Variants in BOP1 observed in about 807,000 individuals in gnomAD.
BOP1 encodes the protein BOP1 ribosomal biogenesis factor.
In BOP1, 54 loss-of-function variants were observed where a neutral mutation model predicts 82.9. The observed-to-expected ratio is 0.65, with a 90% CI of 0.52 to 0.82. The LOEUF is 0.82. Among genes scored for constraint, BOP1 ranks in the 40% least tolerant of loss-of-function variants. BOP1 has a pLI of 0.00. For synonymous variants in BOP1, 566 were observed against 451.1 expected, an observed-to-expected ratio of 1.25 and a Z score of -3.23; for missense variants, 1,170 against 1,072.0, an observed-to-expected ratio of 1.09 and a Z score of -1.28.
At chr8:144,281,849 G>A (rs941462374) in intron 2 of BOP1, 1 of 152,154 alleles carries the variant, frequency 6.6e-6, no homozygotes, top group Non-Finnish European at 1.5e-5. Context: ...CAAAGTGCTG[G>A]GATTACAGGT....
At chr8:144,288,417 AC>A (rs1814942158) in intron 2 of BOP1, among the ~76,000 whole-genome samples, 1 of 151,970 alleles carries the variant, frequency 6.6e-6, no homozygotes, top group South Asian at 2.1e-4. Context: ...AATCCCAGCT[AC>A]TAGAGAGGCT....
chr8:144,264,990 G>T lies in BOP1; in HGVS notation c.472C>A (p.Arg158Ser). The change falls in exon 4 of 16, where the codon CGC becomes AGC. Residue 158 changes from arginine (R) to serine (S), a missense_variant. Transcript: ENST00000569669. Reference protein sequence around the residue: ...PHVGYDLDGRRIYKPLRTRDE... With the variant: ...PHVGYDLDGRSIYKPLRTRDE... ...CGGGTCCGCAGGGGCTTGTAGATGC[G>T]CCTGCCATCCAGGTCGTAGCCCACG... 1 of 1,612,370 alleles carries T rather than the reference G, an allele frequency of 6.2e-7. No homozygotes were observed. Among genetic ancestry groups the T allele is most frequent in the Non-Finnish European group, 8.5e-7 (1 of 1,179,746 alleles).
chr8:144,265,847 C>G (rs2130204171), intron 3 of BOP1: 1 of 152,996 alleles, frequency 6.5e-6, no homozygotes, highest in South Asian at 2.1e-4. Flanking sequence ...TCCTGAGGGG[C>G]CTGGTGGCCC....
chr8:144,269,001 A>C lies in BOP1; in HGVS notation c.391-3930T>G, dbSNP rs1325336675. 3.0e-4 allele frequency among the ~76,000 whole-genome samples: 46 copies of C among 152,242 alleles called. 1 individual carries two copies. The highest frequency in any genetic ancestry group is 3.0e-3 in the Admixed American group (46 of 15,310). On this transcript the variant is annotated intron_variant, in intron 3 of 15. Coordinates refer to ENST00000569669, the MANE Select transcript of BOP1 (RefSeq NM_015201.5). ...GGGTGTCCTGCCTCCACGAGCCTTG[A>C]CTGGAGAGAGGGGCATCTCCTCATG...
chr8:144,266,623 G>T, intron 3 of BOP1: 1 of 1,216,956 alleles, frequency 8.2e-7, no homozygotes. Flanking sequence ...CATGTCCTTC[G>T]CCACGCTGCG....
intron 3 of BOP1, among the ~76,000 whole-genome samples, chr8:144,267,875 C>A (rs2130214407): frequency 6.6e-6 from 1 of 152,312 alleles, no homozygotes. Flanking sequence ...CCTCTCCAGA[C>A]AGCACGCGCG....
chr8:144,276,561 C>T (rs952573101), intron 2 of BOP1, among the ~76,000 whole-genome samples: 4 of 152,202 alleles, frequency 2.6e-5, no homozygotes, highest in Admixed American at 2.6e-4. Flanking sequence ...TGTCCCTGGG[C>T]TGACACGGGT....
chr8:144,276,700 A>T (rs1478790060), intron 2 of BOP1, among the ~76,000 whole-genome samples: 1 of 152,188 alleles, frequency 6.6e-6, no homozygotes, highest in African/African-American at 2.4e-5. Flanking sequence ...GGGGCCCCAC[A>T]TGGCGCTCCT....
At chr8:144,266,682 G>T (rs1337161106) in intron 3 of BOP1, 40 of 1,253,510 alleles carry the variant, frequency 3.2e-5, no homozygotes, top group Non-Finnish European at 3.9e-5. Flanking sequence ...GCCCGCTGTC[G>T]GAGGACGAGG....
intron 3 of BOP1, among the ~76,000 whole-genome samples, chr8:144,275,289 G>C (rs1845551479): frequency 1.3e-5 from 2 of 152,260 alleles, no homozygotes; most frequent in East Asian, 3.9e-4. Context: ...TCCTACCCTG[G>C]GGCCAGGCCA....
intron 10 of BOP1, 22 bp from the exon 11 acceptor site, chr8:144,263,632 C>T (rs1845288019): frequency 1.9e-6 from 3 of 1,608,208 alleles, no homozygotes; most frequent in Admixed American, 3.3e-5. Flanking sequence ...AGAGACAGCT[C>T]TCAACACCTG....
Position 144,264,088 on chromosome 8 carries a change from G to A in BOP1, c.1033C>T (p.Arg345Cys), listed in dbSNP as rs964522702. 191 of 1,610,298 alleles carry A rather than the reference G, an allele frequency of 1.2e-4. No homozygotes were observed. Among genetic ancestry groups the A allele is most frequent in the South Asian group, 1.0e-3 (93 of 90,930 alleles). The change falls in exon 8 of 16, where the codon CGC becomes TGC. Residue 345 changes from arginine to cysteine, a missense_variant. Arg to Cys is a radical substitution (Grantham distance 180). Transcript: ENST00000569669. ...PGERKLSFLP[R>C]KFPSLRAVPA... Reference sequence around the variant, plus strand: ...ACGGCCCGCAGGCTCGGGAACTTGCGTGGCAAAAAGCTCAGCTTCCTCTCG... The same window carrying A: ...ACGGCCCGCAGGCTCGGGAACTTGCATGGCAAAAAGCTCAGCTTCCTCTCG...
intron 2 of BOP1, among the ~76,000 whole-genome samples, chr8:144,279,416 T>A (rs1845634274): frequency 6.6e-6 from 1 of 151,820 alleles, no homozygotes. Flanking sequence ...AGCCATGTGC[T>A]CAGCCACCTT....
intron 3 of BOP1, among the ~76,000 whole-genome samples, chr8:144,274,323 G>T (rs889080390): frequency 6.6e-6 from 1 of 152,152 alleles, no homozygotes; most frequent in African/African-American, 2.4e-5. Context: ...CTGGTGCCAC[G>T]GCCACCTCCA....
At chr8:144,266,425 A>C in intron 3 of BOP1, 1 of 833,138 alleles carries the variant, frequency 1.2e-6, no homozygotes, top group Non-Finnish European at 1.4e-6. Flanking sequence ...GGACGCCGCT[A>C]TAAAGGCGCA....
rs1815058077 is a variant in BOP1, at chr8:144,291,148, C to G, written c.99+124G>C. On this transcript the variant is annotated intron_variant, in intron 1 of 15. Transcript: ENST00000569669. The surrounding 1 kb of genome is among the most constrained non-coding windows in gnomAD (Gnocchi z 4.1). ...CCGATAGAGGAGCTGCACCCACGCC[C>G]AAGACCGATTCACTGGGCGCGGGCG... 3.8e-6 allele frequency: 3 copies of G among 792,132 alleles called. No homozygotes were observed. The highest frequency in any genetic ancestry group is 5.7e-5 in the South Asian group (2 of 35,326). 49.1% of individuals were successfully genotyped at this position (792,132 alleles called of 1,614,324 possible). A position where few individuals can be genotyped will look rare whatever the true frequency, so the allele number is the denominator to read the frequency against.
intron 3 of BOP1, among the ~76,000 whole-genome samples, chr8:144,271,162 C>G (rs1845485982): frequency 6.6e-6 from 1 of 152,114 alleles, no homozygotes; most frequent in Non-Finnish European, 1.5e-5. Flanking sequence ...AGGCCCCCAG[C>G]CCAGACTGCA....
intron 3 of BOP1, among the ~76,000 whole-genome samples, chr8:144,269,565 G>A (rs907770356): frequency 1.5e-4 from 23 of 152,356 alleles, no homozygotes; most frequent in East Asian, 3.9e-4. Context: ...CTAGAGGGGG[G>A]CTGAGTCCAA....
intron 12 of BOP1, 26 bp from the exon 13 acceptor site, chr8:144,263,167 T>C (rs1554836747): frequency 6.3e-7 from 1 of 1,592,250 alleles, no homozygotes; most frequent in African/African-American, 1.3e-5. Flanking sequence ...GCTGGCTGAG[T>C]GGCTGAGCCG....
Sources: gnomAD v4.1 joint callset for allele counts (sites outside exome capture counted in the v4.1 genomes callset) on GRCh38, gnomAD v4.1.1 for gene constraint, Gnocchi (gnomAD v3.1) non-coding constraint, MANE v1.5 for transcripts, NCBI Gene and HGNC (gene_info 2026-07-23, HGNC 2026-07-21) for gene names.